Variants in DENND4C observed in about 807,000 individuals in gnomAD.
The protein encoded by DENND4C is DENN domain-containing protein 4C.
In DENND4C, 108 loss-of-function variants were observed where a neutral mutation model predicts 203.0. The observed-to-expected ratio is 0.53, with a 90% CI of 0.46 to 0.62. The LOEUF (loss-of-function observed/expected upper bound fraction) is 0.62, where lower values mean the gene tolerates loss of function less well. Ranked by LOEUF, DENND4C falls within the 20% of genes least tolerant of loss-of-function variation. The pLI, the probability that DENND4C is intolerant of heterozygous loss-of-function variation, is 0.00. For synonymous variants in DENND4C, 871 were observed against 792.4 expected, an observed-to-expected ratio of 1.10 and a Z score of -1.67; for missense variants, 2,481 against 2,301.2, an observed-to-expected ratio of 1.08 and a Z score of -1.60.
In DENND4C at chr9:19,352,541, G is replaced by C; in HGVS notation, c.4657G>C (p.Asp1553His). 6.3e-7 allele frequency: 1 copy of C among 1,584,364 alleles called. No individual in the cohort carries two copies. The change falls in exon 26 of 33, where the codon GAT becomes CAT. Residue 1553 changes from aspartate to histidine, a missense_variant. Physicochemically the swap from Asp to His is moderately conservative, Grantham distance 81. Around this residue, in one of 3 missense-constraint regions of DENND4C, gnomAD observed 2,289 missense variants for 2,113.3 expected, o/e 1.08. Transcript: ENST00000434457. ...QCRACGALVYDEEIMAGWTAD... is the reference protein window; with the variant it reads ...QCRACGALVYHEEIMAGWTAD... ...TAGAGCTTGTGGAGCTTTAGTTTAT[G>C]ATGAAGAAATTATGGCTGGATGGAC... is the stretch of plus-strand genomic sequence containing the variant.
chr9:19,253,530 T>C (rs1462248768), intron 1 of DENND4C, among the ~76,000 whole-genome samples: 1 of 152,246 alleles, frequency 6.6e-6, no homozygotes, highest in Admixed American at 6.5e-5. Context: ...TAATGGTAGT[T>C]ACCAAGCCCC....
intron 24 of DENND4C, 48 bp from the exon 25 acceptor site, chr9:19,352,025 A>T (rs1411104900): frequency 2.6e-6 from 4 of 1,530,074 alleles, no homozygotes; most frequent in Non-Finnish European, 3.6e-6. Flanking sequence ...TTTTCAAAAA[A>T]CAAGGACATT....
chr9:19,357,849 A>T, intron 27 of DENND4C, 116 bp from the exon 28 acceptor site: 1 of 832,810 alleles, frequency 1.2e-6, no homozygotes, highest in Non-Finnish European at 1.8e-6. Flanking sequence ...GGTGGTGCTG[A>T]TTCTTCTTAG....
At chr9:19,338,530 T>C (rs540199795) in intron 20 of DENND4C, among the ~76,000 whole-genome samples, 12 of 152,304 alleles carry the variant, frequency 7.9e-5, no homozygotes, top group African/African-American at 2.9e-4. Flanking sequence ...GAATTTGCAG[T>C]GATGGTGTGT....
Position 19,253,205 on chromosome 9 carries a change from T to A in DENND4C, c.-18+22372T>A, listed in dbSNP as rs182058311. 1.7e-3 allele frequency among the ~76,000 whole-genome samples: 264 copies of A among 152,370 alleles called. 1 individual carries two copies. The highest frequency in any genetic ancestry group is 6.0e-3 in the African/African-American group (250 of 41,588). The stretch of plus-strand genomic sequence containing the variant: ...GGACATTTATATAAAAATCCTGATT[T>A]CTTTAAAAAGGTAGAAAGGAAGCTC... On this transcript the variant is annotated intron_variant, in intron 1 of 32. Coordinates refer to ENST00000434457, the MANE Select transcript of DENND4C (RefSeq NM_001330640.2).
chr9:19,301,171 T>G (rs1402447880), intron 9 of DENND4C, among the ~76,000 whole-genome samples: 1 of 147,896 alleles, frequency 6.8e-6, no homozygotes, highest in Non-Finnish European at 1.5e-5. Flanking sequence ...AGAGTGAAAC[T>G]CCGTCTCAAA....
intron 4 of DENND4C, among the ~76,000 whole-genome samples, chr9:19,290,077 G>GATGAATCA (rs1835980131): frequency 2.0e-5 from 3 of 152,106 alleles, no homozygotes; most frequent in Non-Finnish European, 4.4e-5. Context: ...CTTAGAGATG[G>GATGAATCA]TCTATATATT....
intron 31 of DENND4C, 143 bp from the exon 32 acceptor site, chr9:19,371,613 A>G (rs1265841952): frequency 5.9e-6 from 3 of 507,848 alleles, no homozygotes; most frequent in Non-Finnish European, 1.1e-5. Flanking sequence ...ACTAACTGTA[A>G]TGTAATATTA....
intron 1 of DENND4C, among the ~76,000 whole-genome samples, chr9:19,249,290 TC>T (rs1825992875): frequency 6.6e-6 from 1 of 151,692 alleles, no homozygotes; most frequent in Admixed American, 6.6e-5. Context: ...CTCGCTCTTA[TC>T]CCCCAGGCTG....
In DENND4C at chr9:19,372,228, GA is replaced by G; in HGVS notation, c.*58del. The G allele has an allele frequency of 6.4e-7, 1 of 1,557,634 alleles. No individual in the cohort carries two copies. The highest frequency in any genetic ancestry group is 8.7e-7 in the Non-Finnish European group (1 of 1,153,582). On this transcript the variant is annotated 3_prime_UTR_variant, in exon 33 of 33. Coordinates refer to ENST00000434457, the MANE Select transcript of DENND4C (RefSeq NM_001330640.2). ...AGGCTTGGGGATTAGATTTCATCTG[GA>G]AACATTCAAGTTTTTTTTTCCAAAT...
At chr9:19,311,430 C>A (rs371857085) in intron 10 of DENND4C, among the ~76,000 whole-genome samples, 2 of 152,134 alleles carry the variant, frequency 1.3e-5, no homozygotes, top group Non-Finnish European at 2.9e-5. Flanking sequence ...CTGGCCCCCA[C>A]AAAGTTTATT....
chr9:19,300,093 A>G (rs1488079352), intron 8 of DENND4C, 94 bp from the exon 9 acceptor site: 9 of 1,241,764 alleles, frequency 7.2e-6, no homozygotes, highest in East Asian at 5.1e-5. Flanking sequence ...AATTAACACT[A>G]GACTCTCAAT....
At chr9:19,252,918 G>T (rs970021092) in intron 1 of DENND4C, among the ~76,000 whole-genome samples, 2 of 152,114 alleles carry the variant, frequency 1.3e-5, no homozygotes, top group African/African-American at 2.4e-5. Flanking sequence ...TGTATTTTTA[G>T]TAGAGATGGG....
chr9:19,369,777 AAATAATAAT>A, intron 30 of DENND4C, 51 bp from the exon 31 acceptor site: 2 of 937,298 alleles, frequency 2.1e-6, no homozygotes, highest in South Asian at 4.6e-5. Flanking sequence ...AAAAAAAAAA[AAATAATAAT>A]AATAATAATA....
intron 1 of DENND4C, among the ~76,000 whole-genome samples, chr9:19,259,470 G>A (rs1359466154): frequency 2.0e-5 from 3 of 148,836 alleles, no homozygotes; most frequent in South Asian, 2.1e-4. Flanking sequence ...ATAGTACTCC[G>A]TTGGGTATAT....
intron 23 of DENND4C, 22 bp from the exon 24 acceptor site, chr9:19,350,680 A>AT: frequency 1.3e-6 from 2 of 1,590,216 alleles, no homozygotes; most frequent in Non-Finnish European, 1.7e-6. Flanking sequence ...ATGTATGTGG[A>AT]ATTTTTTTTT....
At chr9:19,278,519 G>A (rs1294008834) in intron 2 of DENND4C, among the ~76,000 whole-genome samples, 3 of 152,116 alleles carry the variant, frequency 2.0e-5, no homozygotes, top group Admixed American at 1.3e-4. Context: ...TGTTGCATTA[G>A]AGCTCTGGCG....
chr9:19,255,898 C>G (rs916702702), intron 1 of DENND4C, among the ~76,000 whole-genome samples: 1 of 152,054 alleles, frequency 6.6e-6, no homozygotes, highest in Non-Finnish European at 1.5e-5. Flanking sequence ...TGTGCAACAA[C>G]AGAGAGACAT....
intron 12 of DENND4C, among the ~76,000 whole-genome samples, chr9:19,321,831 C>CAAAA (rs35648828): frequency 1.2e-5 from 1 of 86,868 alleles, no homozygotes; most frequent in African/African-American, 4.0e-5. Flanking sequence ...GACTCCATCT[C>CAAAA]AAAAAAAAAA....
Sources: gnomAD v4.1 joint callset for allele counts (sites outside exome capture counted in the v4.1 genomes callset) on GRCh38, gnomAD v4.1.1 for gene constraint, gnomAD v4.1.1 regional missense constraint, MANE v1.5 for transcripts, NCBI Gene and HGNC (gene_info 2026-07-23, HGNC 2026-07-21) for gene names.